BPI: variants seen among roughly 807,000 people sequenced by gnomAD.
BPI encodes bactericidal permeability-increasing protein.
In BPI, 48 loss-of-function variants were observed where a neutral mutation model predicts 57.6. The observed-to-expected ratio is 0.83, with a 90% CI of 0.66 to 1.06. BPI has a LOEUF of 1.06. Ranked by LOEUF, BPI falls within the 50% of genes least tolerant of loss-of-function variation. The pLI, the probability that BPI is intolerant of heterozygous loss-of-function variation, is 0.00. For missense variants in BPI, 651 were observed against 609.7 expected (o/e 1.07, Z -0.71); for synonymous variants, 237 against 238.2 (o/e 0.99, Z 0.05).
At chr20:38,318,612 T>G in intron 6 of BPI, 136 bp downstream of exon 6, 2 of 925,478 alleles carry the variant, frequency 2.2e-6, no homozygotes, top group Non-Finnish European at 3.5e-6. Context: ...AGTAGTACAT[T>G]ATTTTCAAGA....
At chr20:38,336,903 CG>C (rs890571036) in intron 14 of BPI, among the ~76,000 whole-genome samples, 2 of 152,086 alleles carry the variant, frequency 1.3e-5, no homozygotes, top group African/African-American at 4.8e-5. Context: ...TAAAACAGCC[CG>C]GGGGGTCTCC....
chr20:38,312,477 G>A (rs6099078), intron 5 of BPI, among the ~76,000 whole-genome samples: 85,061 of 152,158 alleles, frequency 0.56, 24,350 homozygotes, highest in African/African-American at 0.64. Context: ...TCAGTTACGG[G>A]ATGAGGCCAT....
chr20:38,314,172 A>T lies in BPI; in HGVS notation c.600+2235A>T, dbSNP rs761742709. On this transcript the variant is annotated intron_variant, in intron 5 of 14. Transcript: ENST00000642449. ...GAGATTGAGGATGGTGATGGTGGGG[A>T]TGATGATAATAATGATGGTGATGGT... is the stretch of plus-strand genomic sequence containing the variant. Among the ~76,000 whole-genome samples, 389 of 80,868 alleles carry T rather than the reference A, an allele frequency of 4.8e-3. 8 individuals are homozygous for T. The highest frequency in any genetic ancestry group is 8.0e-3 in the Non-Finnish European group (301 of 37,412). The allele number at this position is 80,868 out of a possible 152,430, so 53.1% of individuals were successfully genotyped here.
chr20:38,331,250 C>G (rs1490107809), intron 12 of BPI, among the ~76,000 whole-genome samples, 160 bp downstream of exon 12: 2 of 152,168 alleles, frequency 1.3e-5, no homozygotes, highest in Non-Finnish European at 2.9e-5. Context: ...GCAGAGGGAC[C>G]TGAGCCAGAA....
At chr20:38,324,192 C>T (rs775403471) in intron 8 of BPI, 146 bp downstream of exon 8, 131 of 981,960 alleles carry the variant, frequency 1.3e-4, no homozygotes, top group Non-Finnish European at 1.7e-4. Context: ...GTTCCAATAT[C>T]GGCCCCACCC....
At position 38,337,169 on chromosome 20, in the gene BPI, C is replaced by T. The variant is rs201673571; in HGVS notation, c.1437C>T (p.Asp479=). The part of the protein sequence containing the change: ...PHQNFLLFGA[D]VVYK ...AGAACTTCCTGCTGTTCGGTGCAGA[C>T]GTTGTCTATAAATGAAGGCACCAGG... is the stretch of plus-strand genomic sequence containing the variant. Residue 479 remains aspartate (D), a synonymous_variant, in exon 15 of 15, where the codon GAC becomes GAT. Coordinates refer to ENST00000642449, the MANE Select transcript of BPI (RefSeq NM_001725.3). 256 of 1,593,132 alleles carry T rather than the reference C, an allele frequency of 1.6e-4. No individual in the cohort carries two copies. Among genetic ancestry groups the T allele is most frequent in the Non-Finnish European group, 2.1e-4 (242 of 1,171,536 alleles).
intron 2 of BPI, 71 bp from the exon 3 acceptor site, chr20:38,308,859 A>T (rs1198877592): frequency 1.9e-6 from 3 of 1,583,928 alleles, no homozygotes; most frequent in Non-Finnish European, 2.6e-6. Context: ...TGCATTAACC[A>T]TTAACGAAGT....
intron 5 of BPI, 69 bp from the exon 6 acceptor site, chr20:38,318,344 C>T (rs943718957): frequency 9.5e-6 from 14 of 1,474,352 alleles, no homozygotes; most frequent in Non-Finnish European, 1.1e-5. Context: ...GCATATCTGG[C>T]CCGTTATTGT....
chr20:38,326,152 A>T (rs1196793555), intron 9 of BPI, 113 bp from the exon 10 acceptor site: 1 of 1,131,794 alleles, frequency 8.8e-7, no homozygotes, highest in African/African-American at 1.6e-5. Context: ...ATTTATTCTA[A>T]GAGCAATGGG....
In BPI at chr20:38,318,434, T is replaced by G. The variant is rs774090383; in HGVS notation, c.622T>G (p.Ser208Ala). ...NSQVCEKVTN[S>A]VSSELQPYFQ... ...CCAGGTCTGCGAGAAAGTGACCAAT[T>G]CTGTATCCTCCGAGCTGCAACCTTA... Residue 208 changes from serine (S) to alanine (A), a missense_variant, in exon 6 of 15, where the codon TCT becomes GCT. Physicochemically the swap from Ser to Ala is moderately conservative, Grantham distance 99 (BLOSUM62 1). Transcript: ENST00000642449. 1 of 1,613,940 alleles carries G rather than the reference T, an allele frequency of 6.2e-7. No individual in the cohort carries two copies. Among genetic ancestry groups the G allele is most frequent in the Non-Finnish European group, 8.5e-7 (1 of 1,179,808 alleles).
chr20:38,327,838 C>T (rs1370077972), intron 11 of BPI, among the ~76,000 whole-genome samples, 183 bp downstream of exon 11: 1 of 152,208 alleles, frequency 6.6e-6, no homozygotes, highest in Non-Finnish European at 1.5e-5. Flanking sequence ...GAAACTCATG[C>T]TCAGAGAAAA....
chr20:38,310,377 C>T (rs2076616043), intron 3 of BPI, 114 bp from the exon 4 acceptor site: 1 of 1,275,646 alleles, frequency 7.8e-7, no homozygotes, highest in Non-Finnish European at 1.1e-6. Context: ...TCTGAACGTA[C>T]CTCCTCACCT....
At chr20:38,315,835 C>CTTTTTTTT (rs374398594) in intron 5 of BPI, among the ~76,000 whole-genome samples, 1 of 132,252 alleles carries the variant, frequency 7.6e-6, no homozygotes. Flanking sequence ...CTTTTCTTTT[C>CTTTTTTTT]TTTTTTTTTT....
Position 38,310,660 on chromosome 20 carries a change from C to G in BPI, c.536+8C>G. On this transcript the variant is annotated splice_region_variant and intron_variant, in intron 4 of 14. Transcript: ENST00000642449. ...CTCAAAGAGCAAAGTGGGGTATGGACTCCCGGGACTGTGGCTGGGAGGAGG... is the reference window on the plus strand; with the variant it reads ...CTCAAAGAGCAAAGTGGGGTATGGAGTCCCGGGACTGTGGCTGGGAGGAGG... 2 of 1,603,174 alleles carry G rather than the reference C, an allele frequency of 1.2e-6. No individual in the cohort carries two copies. Among genetic ancestry groups the G allele is most frequent in the African/African-American group, 1.3e-5 (1 of 74,906 alleles).
At chr20:38,335,312 A>G (rs2076762033) in intron 13 of BPI, among the ~76,000 whole-genome samples, 2 of 152,128 alleles carry the variant, frequency 1.3e-5, no homozygotes, top group Non-Finnish European at 2.9e-5. Flanking sequence ...TGCAAGCAGC[A>G]GATTTTTGGT....
At chr20:38,326,183 G>A in intron 9 of BPI, 82 bp from the exon 10 acceptor site, 1 of 1,396,410 alleles carries the variant, frequency 7.2e-7, no homozygotes, top group Non-Finnish European at 9.7e-7. Context: ...AGGTATTTAA[G>A]TAGGGGCAGG....
rs767727795 is a variant in BPI, at chr20:38,326,303, T to G, written c.1032T>G (p.His344Gln). 8.1e-6 allele frequency: 13 copies of G among 1,613,934 alleles called. No individual in the cohort carries two copies. The South Asian group carries it at 1.4e-4, about 18-fold the overall frequency. Residue 344 changes from histidine (H) to glutamine (Q), a missense_variant, in exon 10 of 15, where the codon CAT becomes CAG. Transcript: ENST00000642449. ...TTCCCAACATGAAGATACAGATCCA[T>G]GTCTCAGCCTCCACCCCGCCACACC... ...KKFPNMKIQI[H>Q]VSASTPPHLS...
At chr20:38,328,922 C>T (rs896032461) in intron 11 of BPI, among the ~76,000 whole-genome samples, 1 of 152,096 alleles carries the variant, frequency 6.6e-6, no homozygotes, top group Admixed American at 6.6e-5. Context: ...GGGAGGATCA[C>T]TTGAGCCTGG....
chr20:38,309,754 C>G (rs1010963864), intron 3 of BPI, among the ~76,000 whole-genome samples: 1 of 152,178 alleles, frequency 6.6e-6, no homozygotes, highest in African/African-American at 2.4e-5. Flanking sequence ...AATCTAAGTC[C>G]TGGGATCTCT....
Sources: gnomAD v4.1 joint callset for allele counts (sites outside exome capture counted in the v4.1 genomes callset) on GRCh38, gnomAD v4.1.1 for gene constraint, MANE v1.5 for transcripts, NCBI Gene and HGNC (gene_info 2026-07-23, HGNC 2026-07-21) for gene names.